The following BICD1 variants were observed in gnomAD, a reference collection of about 807,000 sequenced individuals.
The protein encoded by BICD1 is BICD cargo adaptor 1.
BICD1 carries 35 observed loss-of-function variants against 92.5 expected under a neutral mutation model. The observed-to-expected ratio is 0.38, with a 90% confidence interval of 0.29 to 0.50. The LOEUF (loss-of-function observed/expected upper bound fraction) is 0.50. BICD1 is among the 20% of genes least tolerant of loss of function. The pLI is 0.93. For synonymous variants in BICD1, 429 were observed against 465.1 expected, an observed-to-expected ratio of 0.92 and a Z score of 1.00; for missense variants, 950 against 1,189.8, an observed-to-expected ratio of 0.80 and a Z score of 2.97.
At chr12:32,120,178 AAG>A (rs1468010125) in intron 1 of BICD1, among the ~76,000 whole-genome samples, 3 of 152,306 alleles carry the variant, frequency 2.0e-5, no homozygotes, top group East Asian at 1.9e-4. Flanking sequence ...AATATTTAAA[AAG>A]AATTTTTTTT....
At chr12:32,162,695 A>G (rs1943635049) in intron 1 of BICD1, among the ~76,000 whole-genome samples, 1 of 152,180 alleles carries the variant, frequency 6.6e-6, no homozygotes, top group Non-Finnish European at 1.5e-5. Context: ...AAAAATTAAA[A>G]TTTGAGGTTG....
intron 2 of BICD1, among the ~76,000 whole-genome samples, chr12:32,255,074 G>C (rs2650125): frequency 0.65 from 99,019 of 151,868 alleles, 32,776 homozygotes; most frequent in African/African-American, 0.76. Flanking sequence ...AGATCGAGGT[G>C]TCTGCTGATT....
chr12:32,235,731 C>T (rs1475477832), intron 2 of BICD1, among the ~76,000 whole-genome samples: 2 of 147,282 alleles, frequency 1.4e-5, no homozygotes, highest in Admixed American at 6.8e-5. Context: ...GACAGAGTCT[C>T]GATCAGCCAC....
chr12:32,337,730 C>T lies in BICD1; in HGVS notation c.2484C>T (p.Thr828=), dbSNP rs148636501. ...SPKVSGEASV[T]VPTIDTYLLH... ...AAGTAAGTGGGGAGGCATCAGTCAC[C>T]GTGCCCACCATAGACACTTACCTCC... The change falls in exon 7 of 10, where the codon ACC becomes ACT. Residue 828 remains threonine, a synonymous_variant. Transcript: ENST00000652176. This position sits in a 1 kb window ranked among gnomAD's most constrained non-coding sequence, Gnocchi z 4.7. 1.2e-5 allele frequency: 20 copies of T among 1,614,010 alleles called. No homozygotes were observed. In the African/African-American group the frequency reaches 1.7e-4, roughly 14 times the overall value.
chr12:32,214,608 AG>A (rs1405745868), intron 1 of BICD1, among the ~76,000 whole-genome samples: 3 of 152,154 alleles, frequency 2.0e-5, no homozygotes, highest in Non-Finnish European at 4.4e-5. Context: ...GCTCAACCCT[AG>A]TATATATGTA....
intron 2 of BICD1, among the ~76,000 whole-genome samples, chr12:32,263,419 C>T (rs968395143): frequency 2.0e-5 from 3 of 151,502 alleles, no homozygotes; most frequent in African/African-American, 4.9e-5. Context: ...TGGTGGTGGG[C>T]ACCTGTAATC....
chr12:32,162,575 A>G (rs1307395549), intron 1 of BICD1, among the ~76,000 whole-genome samples: 1 of 152,250 alleles, frequency 6.6e-6, no homozygotes, highest in Non-Finnish European at 1.5e-5. Flanking sequence ...CGATATGCCT[A>G]GCAGAGTGCC....
At chr12:32,283,068 C>A (rs1002268943) in intron 2 of BICD1, among the ~76,000 whole-genome samples, 22 of 152,070 alleles carry the variant, frequency 1.4e-4, no homozygotes, top group African/African-American at 4.6e-4. Context: ...GGATAGAAGC[C>A]ATATCTCCTT....
chr12:32,184,078 A>T (rs1392916156), intron 1 of BICD1, among the ~76,000 whole-genome samples: 1 of 152,168 alleles, frequency 6.6e-6, no homozygotes, highest in Non-Finnish European at 1.5e-5. Context: ...CAGCCATTAG[A>T]GTCCGGCGTG....
At chr12:32,272,546 G>A (rs1460166412) in intron 2 of BICD1, among the ~76,000 whole-genome samples, 1 of 152,082 alleles carries the variant, frequency 6.6e-6, no homozygotes, top group Non-Finnish European at 1.5e-5. Context: ...AGAGGTTTGG[G>A]GAGTTCCTTC....
At chr12:32,220,198 A>C (rs1048806740) in intron 2 of BICD1, among the ~76,000 whole-genome samples, 21 of 152,172 alleles carry the variant, frequency 1.4e-4, no homozygotes, top group African/African-American at 2.4e-4. Flanking sequence ...GACTTCATGT[A>C]TAAAACACCA....
intron 9 of BICD1, among the ~76,000 whole-genome samples, chr12:32,374,910 CTTTTTT>C (rs1185628924): frequency 8.1e-5 from 4 of 49,604 alleles, no homozygotes; most frequent in African/African-American, 2.1e-4. Flanking sequence ...ATTTATTTTC[CTTTTTT>C]TTTTTTTTTT....
At chr12:32,168,854 C>T (rs1290553661) in intron 1 of BICD1, among the ~76,000 whole-genome samples, 1 of 151,672 alleles carries the variant, frequency 6.6e-6, no homozygotes, top group Non-Finnish European at 1.5e-5. Context: ...CCCAGCTACT[C>T]GGGAGGCTGA....
Position 32,367,576 on chromosome 12 carries a change from A to G in BICD1, c.2765-94A>G, listed in dbSNP as rs978641177. On this transcript the variant is annotated intron_variant, in intron 8 of 9. Coordinates refer to ENST00000652176, the MANE Select transcript of BICD1 (RefSeq NM_001714.4). The stretch of plus-strand genomic sequence containing the variant: ...ATTTCTGTGTGAATGCACATTCCTC[A>G]CTAAATCTCTCAGGCAGCTGCTTTA... The G allele has an allele frequency of 1.0e-5, 12 of 1,188,974 alleles. No homozygotes were observed. The Admixed American group carries it at 1.4e-4, about 14-fold the overall frequency. 73.7% of individuals were successfully genotyped at this position (1,188,974 alleles called of 1,614,324 possible).
chr12:32,287,576 G>A lies in BICD1; in HGVS notation c.427-6418G>A, dbSNP rs569370520. Among the ~76,000 whole-genome samples the A allele has an allele frequency of 2.9e-4, 42 of 146,574 alleles. No homozygotes were observed. In the South Asian group the frequency reaches 3.9e-3, roughly 14 times the overall value. On this transcript the variant is annotated intron_variant, in intron 2 of 9. Coordinates refer to ENST00000652176, the MANE Select transcript of BICD1 (RefSeq NM_001714.4). ...TTTTGAGATGGAGTCTGTCTCTGTC[G>A]CCCAGGCTGGAGTGCAGTGGCACGA... is the stretch of plus-strand genomic sequence containing the variant.
intron 8 of BICD1, among the ~76,000 whole-genome samples, chr12:32,356,668 G>A (rs538090266): frequency 6.6e-6 from 1 of 152,138 alleles, no homozygotes; most frequent in East Asian, 1.9e-4. Flanking sequence ...AGATGCCATA[G>A]GAAATGGCTG....
At position 32,107,519 on chromosome 12, in the gene BICD1, A is replaced by G. The variant is rs199983081; in HGVS notation, c.188A>G (p.Lys63Arg). The G allele has an allele frequency of 8.7e-5, 139 of 1,599,126 alleles. 1 individual carries two copies. Among genetic ancestry groups the G allele is most frequent in the East Asian group, 2.7e-4 (12 of 44,560 alleles). The change falls in exon 1 of 10, where the codon AAA becomes AGA. Residue 63 changes from lysine (K) to arginine (R), a missense_variant. Transcript: ENST00000652176. Reference protein sequence around the residue: ...DELEAEYDSLKQELEQLKEAF... With the variant: ...DELEAEYDSLRQELEQLKEAF... The stretch of plus-strand genomic sequence containing the variant: ...CTGGAGGCTGAGTACGACAGCCTCA[A>G]ACAGGAGCTGGAGCAGCTCAAAGAG...
chr12:32,342,202 GTGTATATATATATATA>G (rs1376980385), intron 8 of BICD1, among the ~76,000 whole-genome samples: 3,301 of 98,456 alleles, frequency 0.034, 129 homozygotes, highest in African/African-American at 0.12. Flanking sequence ...ATGTGTGTGT[GTGTATATATATATATA>G]TATATATATA....
chr12:32,324,477 C>T (rs1438084857), intron 4 of BICD1, among the ~76,000 whole-genome samples: 2 of 152,004 alleles, frequency 1.3e-5, no homozygotes, highest in Non-Finnish European at 2.9e-5. Flanking sequence ...GCACTTTAAA[C>T]ATCTGGAAAT....
Sources: allele counts gnomAD v4.1 joint callset (sites outside exome capture counted in the v4.1 genomes callset), GRCh38; gene constraint gnomAD v4.1.1; non-coding constraint Gnocchi (gnomAD v3.1); transcripts MANE v1.5; gene names NCBI Gene and HGNC (gene_info 2026-07-23, HGNC 2026-07-21).